SLC6A6: variants seen among roughly 807,000 people sequenced by gnomAD.
SLC6A6 encodes solute carrier family 6 member 6, also known as sodium- and chloride-dependent taurine transporter.
In SLC6A6, 16 loss-of-function variants were observed where a neutral mutation model predicts 68.8. The observed-to-expected ratio is 0.23, with a 90% CI of 0.16 to 0.35. The LOEUF (loss-of-function observed/expected upper bound fraction) is 0.35. Ranked by LOEUF, SLC6A6 falls within the 10% of genes least tolerant of loss-of-function variation. SLC6A6 has a pLI of 1.00. For synonymous variants in SLC6A6, 312 were observed against 315.4 expected, an observed-to-expected ratio of 0.99 and a Z score of 0.12; for missense variants, 474 against 802.8, an observed-to-expected ratio of 0.59 and a Z score of 4.95.
At chr3:14,456,636 G>A (rs1303999776) in intron 5 of SLC6A6, among the ~76,000 whole-genome samples, 1 of 152,248 alleles carries the variant, frequency 6.6e-6, no homozygotes, top group Non-Finnish European at 1.5e-5. Context: ...TGACTGTGGG[G>A]GTAATCCCAC....
At chr3:14,466,426 A>G in intron 6 of SLC6A6, 90 bp from the exon 7 acceptor site, 1 of 1,418,614 alleles carries the variant, frequency 7.0e-7, no homozygotes, top group Admixed American at 2.0e-5. Flanking sequence ...GATCCTGACC[A>G]GTGCTCCCCT....
At chr3:14,444,353 A>G (rs918914338) in intron 3 of SLC6A6, 3 of 192,974 alleles carry the variant, frequency 1.6e-5, no homozygotes, top group Non-Finnish European at 3.3e-5. Context: ...AAAGGTATCC[A>G]GGAATAAAAA....
intron 2 of SLC6A6, among the ~76,000 whole-genome samples, chr3:14,431,490 G>A (rs1699723265): frequency 6.6e-6 from 1 of 152,208 alleles, no homozygotes; most frequent in Non-Finnish European, 1.5e-5. Flanking sequence ...GCTGTGAGGG[G>A]TACCTGCTCA....
At chr3:14,482,117 TC>T (rs1295175431) in intron 14 of SLC6A6, among the ~76,000 whole-genome samples, 1 of 152,128 alleles carries the variant, frequency 6.6e-6, no homozygotes, top group African/African-American at 2.4e-5. Flanking sequence ...GGGAAGGTGT[TC>T]CTGGTGTTGG....
At chr3:14,473,552 C>A (rs1700802999) in intron 10 of SLC6A6, among the ~76,000 whole-genome samples, 1 of 152,052 alleles carries the variant, frequency 6.6e-6, no homozygotes, top group Non-Finnish European at 1.5e-5. Context: ...CTCTGAAGGT[C>A]AAGCAGAGGA....
chr3:14,441,485 AGG>A (rs1204766266), intron 2 of SLC6A6, among the ~76,000 whole-genome samples: 5 of 152,172 alleles, frequency 3.3e-5, no homozygotes, highest in Non-Finnish European at 5.9e-5. Context: ...TGGCAGACAG[AGG>A]AAGGGCTCCA....
In SLC6A6 at chr3:14,453,840, G is replaced by T. The variant is rs549442218; in HGVS notation, c.600-4110G>T. ...GAAGGAAAGGAGCGAGGGAGTTTTG[G>T]AACAAGTGGCTGAGGGAAGCAGTTA... is the stretch of plus-strand genomic sequence containing the variant. On this transcript the variant is annotated intron_variant, in intron 5 of 14. Transcript: ENST00000622186. Among the ~76,000 whole-genome samples the T allele has an allele frequency of 1.4e-3, 209 of 152,314 alleles. 2 individuals are homozygous for T. Among genetic ancestry groups the T allele is most frequent in the African/African-American group, 4.6e-3 (193 of 41,572 alleles).
intron 5 of SLC6A6, among the ~76,000 whole-genome samples, chr3:14,456,847 A>G (rs1700378528): frequency 6.6e-6 from 1 of 152,218 alleles, no homozygotes; most frequent in Non-Finnish European, 1.5e-5. Context: ...AGGGGTTCGC[A>G]AACACCCTGG....
At chr3:14,422,079 A>G (rs1427680754) in intron 2 of SLC6A6, among the ~76,000 whole-genome samples, 1 of 152,132 alleles carries the variant, frequency 6.6e-6, no homozygotes, top group Non-Finnish European at 1.5e-5. Context: ...GAGTTCCTGG[A>G]AGGCATTTCC....
chr3:14,464,949 C>T (rs1468558985), intron 6 of SLC6A6, among the ~76,000 whole-genome samples: 1 of 152,186 alleles, frequency 6.6e-6, no homozygotes, highest in Non-Finnish European at 1.5e-5. Context: ...GTTAGCCCTC[C>T]ACAGGCTCTG....
At chr3:14,421,568 A>G (rs965576833) in intron 2 of SLC6A6, among the ~76,000 whole-genome samples, 2 of 152,232 alleles carry the variant, frequency 1.3e-5, no homozygotes, top group African/African-American at 2.4e-5. Flanking sequence ...TGAAGTTAAC[A>G]TCGTTATTGC....
intron 3 of SLC6A6, 133 bp downstream of exon 3, chr3:14,443,996 A>AAGG: frequency 1.5e-6 from 1 of 648,710 alleles, no homozygotes; most frequent in Non-Finnish European, 2.7e-6. Flanking sequence ...CCATGAGGTC[A>AAGG]GCCTGCCATG....
chr3:14,462,946 G>A (rs1700529573), intron 6 of SLC6A6, among the ~76,000 whole-genome samples: 1 of 152,184 alleles, frequency 6.6e-6, no homozygotes, highest in Admixed American at 6.5e-5. Flanking sequence ...GTCAGGGTGA[G>A]GGAGGCCGCC....
chr3:14,461,498 G>C (rs1700493584), intron 6 of SLC6A6, among the ~76,000 whole-genome samples: 1 of 152,214 alleles, frequency 6.6e-6, no homozygotes, highest in Non-Finnish European at 1.5e-5. Flanking sequence ...GTCTGGGAAG[G>C]GGGCAGAGAT....
chr3:14,448,015 C>A (rs1307895504), intron 5 of SLC6A6, 199 bp downstream of exon 5: 2 of 1,368,300 alleles, frequency 1.5e-6, no homozygotes, highest in African/African-American at 2.9e-5. Context: ...GGCTGTTTGA[C>A]CTTAGGCAAG....
chr3:14,466,090 C>A (rs977501356), intron 6 of SLC6A6, among the ~76,000 whole-genome samples: 1 of 151,816 alleles, frequency 6.6e-6, no homozygotes, highest in Non-Finnish European at 1.5e-5. Flanking sequence ...GGTGAAACCC[C>A]ATCTCTACTA....
intron 5 of SLC6A6, 101 bp downstream of exon 5, chr3:14,447,917 CG>C (rs1445689386): frequency 1.3e-6 from 2 of 1,528,024 alleles, no homozygotes; most frequent in Non-Finnish European, 8.8e-7. Context: ...CCACTGTCTT[CG>C]GGGGAGTGGG....
chr3:14,465,612 G>C (rs1700599169), intron 6 of SLC6A6, among the ~76,000 whole-genome samples: 1 of 152,262 alleles, frequency 6.6e-6, no homozygotes, highest in African/African-American at 2.4e-5. Context: ...AACAGGTCCA[G>C]AGAGGTTAAG....
At position 14,450,171 on chromosome 3, in the gene SLC6A6, G is replaced by T. The variant is rs538500466; in HGVS notation, c.599+2355G>T. 3.3e-5 allele frequency among the ~76,000 whole-genome samples: 5 copies of T among 152,014 alleles called. No individual in the cohort carries two copies. The East Asian group carries it at 9.7e-4, about 29-fold the overall frequency. On this transcript the variant is annotated intron_variant, in intron 5 of 14. Coordinates refer to ENST00000622186, the MANE Select transcript of SLC6A6 (RefSeq NM_003043.6). The surrounding 1 kb of genome is among the most constrained non-coding windows in gnomAD (Gnocchi z 4.1). ...ATTGTAAAGGGGTCATCCTCTTCTG[G>T]GCTCTGCTTGTCTCGCTGTTGTCTA...
Sources: allele counts gnomAD v4.1 joint callset (sites outside exome capture counted in the v4.1 genomes callset), GRCh38; gene constraint gnomAD v4.1.1; non-coding constraint Gnocchi (gnomAD v3.1); transcripts MANE v1.5; gene names NCBI Gene and HGNC (gene_info 2026-07-23, HGNC 2026-07-21).